The following DYNC2I2 variants were observed in gnomAD, a reference collection of about 807,000 sequenced individuals.
DYNC2I2 encodes cytoplasmic dynein 2 intermediate chain 2.
Under a neutral mutation model 52.0 loss-of-function variants are expected in DYNC2I2, and 39 were observed. The observed-to-expected ratio is 0.75, with a 90% CI of 0.58 to 0.98. The LOEUF (loss-of-function observed/expected upper bound fraction) is 0.98. Among genes scored for constraint, DYNC2I2 ranks in the 50% least tolerant of loss-of-function variants. The pLI is 0.00. For synonymous variants in DYNC2I2, 359 were observed against 321.1 expected (o/e 1.12, Z -1.26); for missense variants, 743 against 728.4 (o/e 1.02, Z -0.23).
chr9:128,678,072 CTTT>C, the DYNC2I2 span, among the ~76,000 whole-genome samples: 5 of 141,612 alleles, frequency 3.5e-5, no homozygotes, highest in Admixed American at 7.1e-5. Context: ...CTTTTCTTTT[CTTT>C]TTTTTTTTTT....
chr9:128,669,237 C>A, the DYNC2I2 span, among the ~76,000 whole-genome samples: 1 of 152,054 alleles, frequency 6.6e-6, no homozygotes, highest in South Asian at 2.1e-4. Flanking sequence ...TGGTGGCATG[C>A]GCCTGTAGTC....
the DYNC2I2 span, among the ~76,000 whole-genome samples, chr9:128,666,754 A>G: frequency 1.4e-5 from 2 of 147,788 alleles, no homozygotes; most frequent in African/African-American, 5.0e-5. Context: ...GCAAGACTCC[A>G]TCTCAAAAAA....
chr9:128,672,365 T>C, the DYNC2I2 span, among the ~76,000 whole-genome samples: 1 of 152,068 alleles, frequency 6.6e-6, no homozygotes, highest in South Asian at 2.1e-4. Context: ...GGCTAATTTT[T>C]ATAGTTTCAG....
chr9:128,675,013 A>G, the DYNC2I2 span, among the ~76,000 whole-genome samples: 2 of 152,128 alleles, frequency 1.3e-5, no homozygotes, highest in Non-Finnish European at 2.9e-5. Flanking sequence ...GGGGTCTCAG[A>G]GACCAGCCTT....
At chr9:128,679,587 C>T in the DYNC2I2 span, among the ~76,000 whole-genome samples, 2 of 152,062 alleles carry the variant, frequency 1.3e-5, no homozygotes, top group African/African-American at 2.4e-5. Flanking sequence ...CCTCAGCCTC[C>T]TGAGTGGCTG....
chr9:128,642,324 C>T (rs1333023427), intron 1 of DYNC2I2, among the ~76,000 whole-genome samples: 3 of 145,686 alleles, frequency 2.1e-5, no homozygotes, highest in African/African-American at 5.1e-5. Context: ...GGTGTGGTGG[C>T]GCGTGCCTGT....
Position 128,640,543 on chromosome 9 carries a change from C to G in DYNC2I2, c.435+148G>C, listed in dbSNP as rs1564341094. ...GGCTCACTGACTTATTCTTAGGGAA[C>G]CTAGCGCAGTACCAGGCAGGACATT... On this transcript the variant is annotated intron_variant, in intron 2 of 8. Transcript: ENST00000372715. The G allele has an allele frequency of 3.1e-6, 4 of 1,284,644 alleles. No individual in the cohort carries two copies. The African/African-American group carries it at 5.9e-5, about 19-fold the overall frequency. The allele number at this position is 1,284,644 out of a possible 1,614,324, so 79.6% of individuals were successfully genotyped here.
chr9:128,667,010 C>A, the DYNC2I2 span, among the ~76,000 whole-genome samples: 2 of 151,910 alleles, frequency 1.3e-5, no homozygotes, highest in East Asian at 3.9e-4. Context: ...ACCAGCCTGG[C>A]CAACATGGTG....
At chr9:128,642,495 G>A (rs1312664004) in intron 1 of DYNC2I2, among the ~76,000 whole-genome samples, 2 of 151,036 alleles carry the variant, frequency 1.3e-5, no homozygotes, top group East Asian at 2.0e-4. Flanking sequence ...TTGAGGCCGG[G>A]CGCAGTGGCT....
At chr9:128,640,256 C>T (rs920843279) in intron 2 of DYNC2I2, among the ~76,000 whole-genome samples, 7 of 151,996 alleles carry the variant, frequency 4.6e-5, no homozygotes, top group East Asian at 1.9e-4. Context: ...GTGATCCGCC[C>T]GCCTCGGCCT....
the DYNC2I2 span, chr9:128,683,960 T>C: frequency 4.4e-4 from 692 of 1,557,540 alleles, 4 homozygotes; most frequent in African/African-American, 8.7e-3. Context: ...CCTCCTGCTC[T>C]GGGACCGGAG....
intron 1 of DYNC2I2, among the ~76,000 whole-genome samples, chr9:128,642,831 G>C: frequency 6.6e-6 from 1 of 152,148 alleles, no homozygotes; most frequent in East Asian, 1.9e-4. Flanking sequence ...AAAAGAAAAT[G>C]TGCAAGATTC....
chr9:128,656,208 CAA>C (rs34359001), intron 1 of DYNC2I2, among the ~76,000 whole-genome samples: 1 of 136,392 alleles, frequency 7.3e-6, no homozygotes. Context: ...AGACCCTGTT[CAA>C]AAAAAAAAAC....
chr9:128,666,642 C>A, the DYNC2I2 span, among the ~76,000 whole-genome samples: 1 of 151,508 alleles, frequency 6.6e-6, no homozygotes, highest in Non-Finnish European at 1.5e-5. Context: ...GCCTATAATC[C>A]CAGCTACTCC....
chr9:128,672,803 G>A, the DYNC2I2 span, among the ~76,000 whole-genome samples: 11 of 152,194 alleles, frequency 7.2e-5, no homozygotes, highest in African/African-American at 1.9e-4. Flanking sequence ...CGAGGCAGGC[G>A]GATCACAAGG....
the DYNC2I2 span, among the ~76,000 whole-genome samples, chr9:128,667,835 C>T: frequency 5.6e-5 from 8 of 142,930 alleles, no homozygotes; most frequent in South Asian, 8.7e-4. Flanking sequence ...TGGGTTCAAG[C>T]GATTCTCCTG....
chr9:128,663,450 A>C, the DYNC2I2 span: 1 of 77,664 alleles, frequency 1.3e-5, no homozygotes, highest in East Asian at 4.0e-4. Flanking sequence ...CCATGGAGTG[A>C]CAAAGACACA....
At chr9:128,682,412 T>C in the DYNC2I2 span, among the ~76,000 whole-genome samples, 2 of 152,014 alleles carry the variant, frequency 1.3e-5, no homozygotes, top group South Asian at 2.1e-4. Flanking sequence ...TGTGGTGGCT[T>C]ATGCCTGTAA....
the DYNC2I2 span, among the ~76,000 whole-genome samples, chr9:128,670,646 GA>G: frequency 6.6e-6 from 1 of 151,128 alleles, no homozygotes; most frequent in Non-Finnish European, 1.5e-5. Flanking sequence ...TGAAGCAGGA[GA>G]ATTGCTTGAA....
Sources: allele counts gnomAD v4.1 joint callset (sites outside exome capture counted in the v4.1 genomes callset), GRCh38; gene constraint gnomAD v4.1.1; transcripts MANE v1.5; gene names NCBI Gene and HGNC (gene_info 2026-07-23, HGNC 2026-07-21).